Variants in ZFHX4 observed in about 807,000 individuals in gnomAD.
The protein encoded by ZFHX4 is zinc finger homeobox 4.
ZFHX4 carries 56 observed loss-of-function variants against 267.6 expected under a neutral mutation model. The ratio of observed to expected loss-of-function variants is 0.21; its 90% CI spans 0.17 to 0.26. ZFHX4 has a LOEUF of 0.26. Ranked by LOEUF, ZFHX4 falls within the 10% of genes least tolerant of loss-of-function variation. The probability of loss-of-function intolerance (pLI) is 1.00; values close to 1 mark genes in which losing one functional copy is unlikely to be tolerated. For synonymous variants in ZFHX4, 1,778 were observed against 1,665.6 expected (o/e 1.07, Z -1.64); for missense variants, 4,332 against 4,420.0 (o/e 0.98, Z 0.56).
intron 5 of ZFHX4, among the ~76,000 whole-genome samples, chr8:76,835,457 A>T (rs1433355052): frequency 2.6e-5 from 4 of 151,662 alleles, no homozygotes; most frequent in African/African-American, 9.7e-5. Flanking sequence ...ACAATAAATG[A>T]TTACCAAAGT....
At chr8:76,809,179 T>C (rs1811316397) in intron 4 of ZFHX4, among the ~76,000 whole-genome samples, 1 of 152,200 alleles carries the variant, frequency 6.6e-6, no homozygotes. Context: ...ATATAGTCTT[T>C]AGTACTTTTA....
chr8:76,865,976 C>T lies in ZFHX4; in HGVS notation c.*1411C>T, dbSNP rs1046071839. The T allele has an allele frequency of 6.6e-6, 1 of 152,582 alleles. No homozygotes were observed. Among genetic ancestry groups the T allele is most frequent in the African/African-American group, 2.4e-5 (1 of 41,438 alleles). 9.5% of individuals were successfully genotyped at this position (152,582 alleles called of 1,614,324 possible). On this transcript the variant is annotated 3_prime_UTR_variant, in exon 11 of 11. Transcript: ENST00000651372. Reference sequence around the variant, plus strand: ...TTTTGCTTGCCATGAATTTCAACTTCCACCACCCAGTGAATTGATTTATAA... The same window carrying T: ...TTTTGCTTGCCATGAATTTCAACTTTCACCACCCAGTGAATTGATTTATAA...
chr8:76,814,857 C>G (rs1385373191), intron 4 of ZFHX4, among the ~76,000 whole-genome samples: 1 of 152,126 alleles, frequency 6.6e-6, no homozygotes, highest in African/African-American at 2.4e-5. Context: ...ATTAAACTGA[C>G]TGTAGTAGTA....
chr8:76,810,694 G>A (rs1289342475), intron 4 of ZFHX4, among the ~76,000 whole-genome samples: 1 of 151,874 alleles, frequency 6.6e-6, no homozygotes, highest in East Asian at 1.9e-4. Flanking sequence ...AATAAATATT[G>A]GAACCAGAAG....
At chr8:76,859,207 A>G (rs1265966079) in intron 10 of ZFHX4, among the ~76,000 whole-genome samples, 1 of 152,084 alleles carries the variant, frequency 6.6e-6, no homozygotes, top group Non-Finnish European at 1.5e-5. Context: ...AAATCTGCAA[A>G]TTTTTTATTC....
At chr8:76,743,615 C>T (rs892276419) in intron 3 of ZFHX4, among the ~76,000 whole-genome samples, 1 of 152,152 alleles carries the variant, frequency 6.6e-6, no homozygotes, top group Non-Finnish European at 1.5e-5. Flanking sequence ...CCTATTTTAA[C>T]TGTTTAGCTA....
intron 4 of ZFHX4, among the ~76,000 whole-genome samples, chr8:76,811,990 C>T (rs1015578111): frequency 1.5e-4 from 23 of 152,138 alleles, no homozygotes; most frequent in African/African-American, 5.1e-4. Flanking sequence ...ACAGAAAACC[C>T]TATCAAGGTC....
Position 76,863,981 on chromosome 8 carries a change from A to C in ZFHX4, c.10267A>C (p.Lys3423Gln). 6.2e-7 allele frequency: 1 copy of C among 1,613,502 alleles called. No homozygotes were observed. The highest frequency in any genetic ancestry group is 8.5e-7 in the Non-Finnish European group (1 of 1,179,694). Residue 3423 changes from lysine to glutamine, a missense_variant, in exon 11 of 11, where the codon AAG becomes CAG. Physicochemically the swap from Lys to Gln is moderately conservative, Grantham distance 53. This residue lies in a region of ZFHX4 where 1,648 missense variants were observed against 1,625.0 expected (regional missense o/e 1.01). Coordinates refer to ENST00000651372, the MANE Select transcript of ZFHX4 (RefSeq NM_024721.5). ...TGAAGACGCCGCAGTAAATCATCAA[A>C]AGTCCTTCTGTTATTTCGGTCAGCC... The part of the protein sequence containing the change: ...TDEDAAVNHQ[K>Q]SFCYFGQPLI...
intron 3 of ZFHX4, among the ~76,000 whole-genome samples, chr8:76,735,627 A>C (rs1809138834): frequency 6.6e-6 from 1 of 152,104 alleles, no homozygotes; most frequent in African/African-American, 2.4e-5. Flanking sequence ...AATATGAACA[A>C]GACAGTGTTT....
At chr8:76,778,729 C>G (rs1165481565) in intron 4 of ZFHX4, among the ~76,000 whole-genome samples, 1 of 152,166 alleles carries the variant, frequency 6.6e-6, no homozygotes, top group Admixed American at 6.6e-5. Flanking sequence ...ATTTTTCCCC[C>G]CAGAGTGAGC....
At chr8:76,759,029 T>C (rs1809839628) in intron 3 of ZFHX4, among the ~76,000 whole-genome samples, 2 of 152,216 alleles carry the variant, frequency 1.3e-5, no homozygotes, top group African/African-American at 2.4e-5. Flanking sequence ...AATAAAATCA[T>C]TTCCAAAATG....
intron 3 of ZFHX4, among the ~76,000 whole-genome samples, chr8:76,715,309 C>G (rs1013970368): frequency 6.6e-6 from 1 of 151,464 alleles, no homozygotes; most frequent in African/African-American, 2.4e-5. Flanking sequence ...TGGTGAAACC[C>G]TGACTCTACT....
chr8:76,812,000 C>T (rs2131846352), intron 4 of ZFHX4, among the ~76,000 whole-genome samples: 1 of 152,272 alleles, frequency 6.6e-6, no homozygotes, highest in Non-Finnish European at 1.5e-5. Flanking sequence ...CTATCAAGGT[C>T]AAGAACGCAC....
chr8:76,691,983 G>A (rs563328055), intron 1 of ZFHX4, among the ~76,000 whole-genome samples: 11 of 152,206 alleles, frequency 7.2e-5, no homozygotes, highest in African/African-American at 2.4e-4. Context: ...GTGGGGGAAA[G>A]GAGTAGTATC....
At chr8:76,755,068 T>C (rs910750763) in intron 3 of ZFHX4, among the ~76,000 whole-genome samples, 1 of 152,220 alleles carries the variant, frequency 6.6e-6, no homozygotes, top group Non-Finnish European at 1.5e-5. Context: ...TCTTTTCTAA[T>C]AAGAAATGAA....
At chr8:76,829,950 A>G (rs1379087698) in intron 4 of ZFHX4, among the ~76,000 whole-genome samples, 2 of 152,196 alleles carry the variant, frequency 1.3e-5, no homozygotes, top group South Asian at 2.1e-4. Flanking sequence ...AACGCTAGAA[A>G]TAAATGCAGA....
chr8:76,763,604 C>T (rs1432155332), intron 3 of ZFHX4, among the ~76,000 whole-genome samples: 1 of 152,060 alleles, frequency 6.6e-6, no homozygotes, highest in African/African-American at 2.4e-5. Context: ...GCCTGGGTGA[C>T]AGAGTGAGAC....
intron 3 of ZFHX4, among the ~76,000 whole-genome samples, chr8:76,765,949 A>T (rs532803753): frequency 1.3e-5 from 2 of 152,130 alleles, no homozygotes. Context: ...CCATGCTTTC[A>T]TCTTCATCAC....
At chr8:76,793,185 G>A (rs760853998) in intron 4 of ZFHX4, among the ~76,000 whole-genome samples, 35 of 152,150 alleles carry the variant, frequency 2.3e-4, no homozygotes, top group Admixed American at 2.0e-4. Context: ...AGGAATTACA[G>A]TTACCTTCCA....
Sources: allele counts gnomAD v4.1 joint callset (sites outside exome capture counted in the v4.1 genomes callset), GRCh38; gene constraint gnomAD v4.1.1; regional missense constraint gnomAD v4.1.1; transcripts MANE v1.5; gene names NCBI Gene and HGNC (gene_info 2026-07-23, HGNC 2026-07-21).